Variants in SDK1 observed in about 807,000 individuals in gnomAD.
SDK1 encodes sidekick cell adhesion molecule 1.
SDK1 carries 157 observed loss-of-function variants against 245.5 expected under a neutral mutation model. The ratio of observed to expected loss-of-function variants is 0.64; its 90% CI spans 0.56 to 0.73. SDK1 has a LOEUF of 0.73. Among genes scored for constraint, SDK1 ranks in the 30% least tolerant of loss-of-function variants. The pLI is 0.00. For missense variants in SDK1, 3,583 were observed against 3,002.3 expected, an observed-to-expected ratio of 1.19 and a Z score of -4.52; for synonymous variants, 1,647 against 1,278.5, an observed-to-expected ratio of 1.29 and a Z score of -6.15.
At chr7:3,969,502 C>G in intron 11 of SDK1, 78 bp downstream of exon 11, 1 of 1,136,444 alleles carries the variant, frequency 8.8e-7, no homozygotes, top group Non-Finnish European at 1.2e-6. Context: ...TTGGGGATGT[C>G]AGCATGCCCT....
intron 14 of SDK1, among the ~76,000 whole-genome samples, chr7:3,988,688 G>A (rs780528716): frequency 1.3e-5 from 2 of 152,196 alleles, no homozygotes; most frequent in East Asian, 1.9e-4. Context: ...AACCCATAGA[G>A]CTAGATTGTC....
chr7:3,962,100 CACAG>C, intron 8 of SDK1, among the ~76,000 whole-genome samples: 1 of 152,212 alleles, frequency 6.6e-6, no homozygotes, highest in Non-Finnish European at 1.5e-5. Flanking sequence ...CACACACATG[CACAG>C]ACACACAAAC....
At chr7:4,018,817 TA>T (rs1786631516) in intron 17 of SDK1, among the ~76,000 whole-genome samples, 1 of 152,026 alleles carries the variant, frequency 6.6e-6, no homozygotes, top group East Asian at 1.9e-4. Flanking sequence ...AATGCTGCAT[TA>T]GGGGCGGAAT....
chr7:3,610,006 C>G (rs1425635940), intron 1 of SDK1, among the ~76,000 whole-genome samples: 1 of 152,162 alleles, frequency 6.6e-6, no homozygotes, highest in Non-Finnish European at 1.5e-5. Flanking sequence ...TGGCATAGAG[C>G]TGGGATTTGA....
At chr7:4,160,893 T>C (rs1781069628) in intron 31 of SDK1, among the ~76,000 whole-genome samples, 1 of 151,872 alleles carries the variant, frequency 6.6e-6, no homozygotes. Context: ...CAGAGGAAAA[T>C]CACAGAGCCG....
chr7:3,495,049 C>T (rs1781982355), intron 1 of SDK1, among the ~76,000 whole-genome samples: 1 of 152,108 alleles, frequency 6.6e-6, no homozygotes. Flanking sequence ...CAATTTGTCT[C>T]TCTAAAGTGC....
At chr7:3,872,205 C>T (rs6968267) in intron 5 of SDK1, among the ~76,000 whole-genome samples, 40,835 of 152,000 alleles carry the variant, frequency 0.27, 6,816 homozygotes, top group African/African-American at 0.47. Context: ...ACTAACATTT[C>T]GGTGAGAATG....
At chr7:3,504,021 G>A (rs531003763) in intron 1 of SDK1, among the ~76,000 whole-genome samples, 13 of 151,930 alleles carry the variant, frequency 8.6e-5, no homozygotes, top group Admixed American at 2.0e-4. Flanking sequence ...ATGGTGGCAC[G>A]TGCCTGTAGT....
chr7:4,019,391 A>G (rs966326725), intron 17 of SDK1, among the ~76,000 whole-genome samples: 12 of 152,200 alleles, frequency 7.9e-5, no homozygotes, highest in African/African-American at 2.9e-4. Flanking sequence ...TTGAGATTTC[A>G]GAGGAGATTT....
intron 14 of SDK1, among the ~76,000 whole-genome samples, chr7:3,997,566 A>G (rs994037910): frequency 3.3e-5 from 5 of 152,050 alleles, no homozygotes; most frequent in Non-Finnish European, 5.9e-5. Flanking sequence ...AGGTTGTTCA[A>G]TGTCTGCAGC....
intron 5 of SDK1, among the ~76,000 whole-genome samples, chr7:3,887,335 C>T (rs1257144817): frequency 1.3e-5 from 2 of 152,162 alleles, no homozygotes; most frequent in Admixed American, 1.3e-4. Context: ...AAAATGGCCC[C>T]AACTAATTAC....
At chr7:3,538,635 A>T in intron 1 of SDK1, among the ~76,000 whole-genome samples, 1 of 152,126 alleles carries the variant, frequency 6.6e-6, no homozygotes, top group Non-Finnish European at 1.5e-5. Flanking sequence ...TATTCCTTCT[A>T]ATGGGAGAAC....
chr7:4,098,960 A>G (rs554838214), intron 22 of SDK1, among the ~76,000 whole-genome samples: 1 of 149,372 alleles, frequency 6.7e-6, no homozygotes, highest in South Asian at 2.1e-4. Flanking sequence ...GGTGTGAGCT[A>G]CTGTGCCCGG....
chr7:4,169,405 C>T (rs1016000505), intron 32 of SDK1, among the ~76,000 whole-genome samples: 1 of 152,216 alleles, frequency 6.6e-6, no homozygotes, highest in South Asian at 2.1e-4. Context: ...CCCCTCGCTC[C>T]CGTCTAGTGG....
At chr7:3,357,654 C>G (rs1380456040) in intron 1 of SDK1, among the ~76,000 whole-genome samples, 5 of 151,928 alleles carry the variant, frequency 3.3e-5, no homozygotes, top group African/African-American at 1.2e-4. Context: ...GCCCACTCCC[C>G]TTCCTCACCA....
intron 9 of SDK1, among the ~76,000 whole-genome samples, chr7:3,964,518 T>C (rs1205710260): frequency 4.6e-5 from 7 of 152,368 alleles, no homozygotes; most frequent in African/African-American, 1.4e-4. Flanking sequence ...GTAGTTCTTT[T>C]GTGAGTTTCT....
intron 40 of SDK1, among the ~76,000 whole-genome samples, chr7:4,225,748 C>T (rs998000554): frequency 5.3e-5 from 8 of 152,122 alleles, no homozygotes; most frequent in African/African-American, 1.7e-4. Context: ...TGAGTCTGAG[C>T]TCAGCAGGGT....
chr7:3,567,187 T>G (rs1036285938), intron 1 of SDK1, among the ~76,000 whole-genome samples: 1 of 152,248 alleles, frequency 6.6e-6, no homozygotes, highest in African/African-American at 2.4e-5. Context: ...TGGTCACTTT[T>G]CGTGTTATCT....
intron 4 of SDK1, among the ~76,000 whole-genome samples, chr7:3,712,798 C>G (rs1478479686): frequency 6.6e-6 from 1 of 152,178 alleles, no homozygotes; most frequent in Admixed American, 6.5e-5. Flanking sequence ...AAAAGTCTTC[C>G]TAAAGGAGCA....
Sources: allele counts gnomAD v4.1 joint callset (sites outside exome capture counted in the v4.1 genomes callset), GRCh38; gene constraint gnomAD v4.1.1; transcripts MANE v1.5; gene names NCBI Gene and HGNC (gene_info 2026-07-23, HGNC 2026-07-21).